The following CCR3 variants were observed in gnomAD, a reference collection of about 807,000 sequenced individuals.
CCR3 encodes the protein C-C motif chemokine receptor 3, also known as C-C chemokine receptor type 3.
For synonymous variants in CCR3, 203 were observed against 179.2 expected (o/e 1.13, Z -1.06); for missense variants, 419 against 437.5 (o/e 0.96, Z 0.38).
At chr3:46,228,701 T>G (rs572601232) in intron 2 of CCR3, among the ~76,000 whole-genome samples, 4 of 152,262 alleles carry the variant, frequency 2.6e-5, no homozygotes, top group Non-Finnish European at 5.9e-5. Flanking sequence ...ACAAATCTAT[T>G]CTCTGCCATT....
intron 2 of CCR3, among the ~76,000 whole-genome samples, chr3:46,212,482 C>T (rs1041583721): frequency 6.2e-5 from 9 of 145,220 alleles, no homozygotes; most frequent in South Asian, 4.8e-4. Flanking sequence ...TCTTGGCCCC[C>T]CTACCACACT....
chr3:46,249,720 G>A (rs1384702279), intron 1 of CCR3, among the ~76,000 whole-genome samples: 1 of 152,146 alleles, frequency 6.6e-6, no homozygotes, highest in Non-Finnish European at 1.5e-5. Context: ...GGCATTCCTT[G>A]GCCTGGTGGT....
intron 2 of CCR3, among the ~76,000 whole-genome samples, chr3:46,234,646 GT>G (rs1254672573): frequency 5.9e-5 from 9 of 152,102 alleles, no homozygotes; most frequent in Admixed American, 5.9e-4. Context: ...GATTTCCCTT[GT>G]TTTTATGTGG....
At chr3:46,234,695 A>G (rs544161693) in intron 2 of CCR3, among the ~76,000 whole-genome samples, 5 of 152,340 alleles carry the variant, frequency 3.3e-5, no homozygotes. Flanking sequence ...GATCTGAGTC[A>G]CTGCTGAATT....
At chr3:46,255,354 A>C (rs558772911) in intron 1 of CCR3, among the ~76,000 whole-genome samples, 1 of 151,694 alleles carries the variant, frequency 6.6e-6, no homozygotes, top group East Asian at 1.9e-4. Flanking sequence ...TGGTCTGTTT[A>C]CTCTGCTGAT....
chr3:46,252,968 A>G (rs541481888), intron 1 of CCR3, among the ~76,000 whole-genome samples: 26 of 152,098 alleles, frequency 1.7e-4, no homozygotes, highest in Non-Finnish European at 2.2e-4. Context: ...CACATAGTCC[A>G]GGAGTTGTCA....
At chr3:46,245,786 A>G (rs1288705897) in intron 1 of CCR3, among the ~76,000 whole-genome samples, 1 of 152,134 alleles carries the variant, frequency 6.6e-6, no homozygotes, top group East Asian at 1.9e-4. Context: ...GCTCCCACTT[A>G]TAAGTCAGAA....
chr3:46,255,649 G>A (rs1358249621), intron 1 of CCR3, among the ~76,000 whole-genome samples: 1 of 152,104 alleles, frequency 6.6e-6, no homozygotes, highest in Non-Finnish European at 1.5e-5. Context: ...TTGTTGAATA[G>A]GGTGTCCTTT....
upstream of CCR3, among the ~76,000 whole-genome samples, chr3:46,238,091 A>G (rs1463542315): frequency 2.0e-5 from 3 of 152,336 alleles, no homozygotes; most frequent in East Asian, 5.8e-4. Flanking sequence ...TGACAGATTG[A>G]TACTTTTAGT....
chr3:46,225,684 T>G (rs1428797143), intron 2 of CCR3, among the ~76,000 whole-genome samples: 3 of 152,244 alleles, frequency 2.0e-5, no homozygotes, highest in Non-Finnish European at 4.4e-5. Flanking sequence ...CATCTCTGTA[T>G]GTGCTTAGTG....
chr3:46,257,916 G>A (rs773291824), intron 1 of CCR3, among the ~76,000 whole-genome samples: 1 of 152,170 alleles, frequency 6.6e-6, no homozygotes, highest in Non-Finnish European at 1.5e-5. Context: ...GGGGAGGTGG[G>A]TAGTTGTATA....
At chr3:46,262,404 C>T (rs1400460744) in intron 1 of CCR3, among the ~76,000 whole-genome samples, 1 of 152,202 alleles carries the variant, frequency 6.6e-6, no homozygotes, top group Non-Finnish European at 1.5e-5. Context: ...CATATCTGCA[C>T]AGAGATATGT....
intron 1 of CCR3, among the ~76,000 whole-genome samples, chr3:46,257,194 A>AT (rs995315463): frequency 4.6e-5 from 7 of 151,976 alleles, no homozygotes; most frequent in African/African-American, 1.2e-4. Flanking sequence ...AATTTCTTGT[A>AT]TTTTTTCCGT....
chr3:46,241,743 A>C (rs1559530323), upstream of CCR3, among the ~76,000 whole-genome samples: 1 of 152,176 alleles, frequency 6.6e-6, no homozygotes, highest in Non-Finnish European at 1.5e-5. Flanking sequence ...AAACCTTTGC[A>C]GCCACATTTT....
intron 2 of CCR3, among the ~76,000 whole-genome samples, chr3:46,219,656 A>T (rs1346278702): frequency 2.0e-5 from 3 of 152,184 alleles, no homozygotes; most frequent in African/African-American, 7.2e-5. Flanking sequence ...AGACCAATGG[A>T]ACAGAATAGA....
At chr3:46,229,440 T>C (rs114117759) in intron 2 of CCR3, among the ~76,000 whole-genome samples, 2,685 of 152,270 alleles carry the variant, frequency 0.018, 76 homozygotes, top group African/African-American at 0.062. Context: ...AGTGGGATGC[T>C]GACATACAAA....
intron 1 of CCR3, among the ~76,000 whole-genome samples, chr3:46,246,353 C>T (rs989695465): frequency 9.9e-5 from 15 of 152,028 alleles, no homozygotes; most frequent in Admixed American, 1.3e-4. Context: ...TGGGTGCAGG[C>T]GGGCTGAGTC....
chr3:46,212,469 C>G (rs1699725987), intron 2 of CCR3, among the ~76,000 whole-genome samples: 1 of 142,436 alleles, frequency 7.0e-6, no homozygotes, highest in African/African-American at 2.5e-5. Flanking sequence ...CTCATTTCCC[C>G]CCTCTTGGCC....
chr3:46,241,494 C>T (rs924528023), upstream of CCR3, among the ~76,000 whole-genome samples: 17 of 152,158 alleles, frequency 1.1e-4, no homozygotes, highest in Non-Finnish European at 2.1e-4. Flanking sequence ...TGCCCTATGA[C>T]GCTTATGTCA....
Sources: allele counts gnomAD v4.1 joint callset (sites outside exome capture counted in the v4.1 genomes callset), GRCh38; gene constraint gnomAD v4.1.1; transcripts MANE v1.5; gene names NCBI Gene and HGNC (gene_info 2026-07-23, HGNC 2026-07-21).